The following GATAD2A variants were observed in gnomAD, a reference collection of about 807,000 sequenced individuals.
GATAD2A encodes transcriptional repressor p66-alpha.
GATAD2A carries 12 observed loss-of-function variants against 68.5 expected under a neutral mutation model. The observed-to-expected ratio is 0.18, with a 90% CI of 0.11 to 0.28. GATAD2A has a LOEUF of 0.28. Ranked by LOEUF, GATAD2A falls within the 10% of genes least tolerant of loss-of-function variation. The pLI is 1.00. For missense variants in GATAD2A, 755 were observed against 868.5 expected, an observed-to-expected ratio of 0.87 and a Z score of 1.64; for synonymous variants, 410 against 375.3, an observed-to-expected ratio of 1.09 and a Z score of -1.07.
chr19:19,453,121 A>C (rs149243705), intron 1 of GATAD2A, among the ~76,000 whole-genome samples: 1 of 151,438 alleles, frequency 6.6e-6, no homozygotes, highest in African/African-American at 2.4e-5. Context: ...TGTGACTGAA[A>C]CCTCCCCTCC....
At chr19:19,421,383 A>G (rs993028011) in intron 1 of GATAD2A, among the ~76,000 whole-genome samples, 1 of 152,102 alleles carries the variant, frequency 6.6e-6, no homozygotes. Context: ...TCTGGCCTGT[A>G]CTGTCCCTTC....
At chr19:19,448,503 T>C (rs1194937855) in intron 1 of GATAD2A, among the ~76,000 whole-genome samples, 1 of 152,222 alleles carries the variant, frequency 6.6e-6, no homozygotes, top group African/African-American at 2.4e-5. Context: ...TGTGTTGTGT[T>C]TTTGAGACGG....
In GATAD2A at chr19:19,492,308, A is replaced by G. The variant is rs761214980; in HGVS notation, c.272A>G (p.Asp91Gly). The G allele has an allele frequency of 6.2e-7, 1 of 1,601,366 alleles. No homozygotes were observed. The change falls in exon 3 of 12, where the codon GAC (aspartate) becomes GGC (glycine). Residue 91 changes from aspartate to glycine, a missense_variant and splice_region_variant. Physicochemically the swap from Asp to Gly is moderately conservative, Grantham distance 94. Transcript: ENST00000683918. Reference sequence around the variant, plus strand: ...TCACTACTGTCTCCACCCCACAGTGACATGAAGTCCGAGAGGAGACCCCCC... The same window carrying G: ...TCACTACTGTCTCCACCCCACAGTGGCATGAAGTCCGAGAGGAGACCCCCC... ...GPVDMRTSHS[D>G]MKSERRPPSP...
At chr19:19,417,352 T>A (rs2051774960) in intron 1 of GATAD2A, among the ~76,000 whole-genome samples, 1 of 152,188 alleles carries the variant, frequency 6.6e-6, no homozygotes, top group Non-Finnish European at 1.5e-5. Context: ...CACTTAGAAT[T>A]CTTACTACAT....
chr19:19,439,724 G>A (rs1430545808), intron 1 of GATAD2A, among the ~76,000 whole-genome samples: 1 of 152,104 alleles, frequency 6.6e-6, no homozygotes, highest in Non-Finnish European at 1.5e-5. Flanking sequence ...ATGCACGCTT[G>A]TAATCACAGT....
chr19:19,484,656 C>T (rs2059312158), intron 2 of GATAD2A, among the ~76,000 whole-genome samples: 1 of 151,296 alleles, frequency 6.6e-6, no homozygotes, highest in Admixed American at 6.6e-5. Flanking sequence ...GCCTCAGCCT[C>T]CCGAGTAGCT....
At chr19:19,501,478 C>G in intron 9 of GATAD2A, 62 bp downstream of exon 9, 3 of 1,287,424 alleles carry the variant, frequency 2.3e-6, no homozygotes, top group Non-Finnish European at 3.2e-6. Flanking sequence ...CCGCGATCCA[C>G]CCCACGCCTG....
intron 1 of GATAD2A, among the ~76,000 whole-genome samples, chr19:19,454,584 T>C (rs1171704047): frequency 6.7e-6 from 1 of 149,438 alleles, no homozygotes; most frequent in African/African-American, 2.5e-5. Context: ...GGTGACAGAG[T>C]GAGACCCTGT....
intron 1 of GATAD2A, among the ~76,000 whole-genome samples, chr19:19,419,759 G>A (rs1415225324): frequency 9.9e-5 from 15 of 151,898 alleles, no homozygotes; most frequent in Admixed American, 6.6e-4. Context: ...CAGGTGATCC[G>A]CCTGCCTTGG....
chr19:19,492,941 CT>C (rs11304753), intron 4 of GATAD2A, among the ~76,000 whole-genome samples: 25,861 of 133,776 alleles, frequency 0.19, 2,266 homozygotes, highest in African/African-American at 0.34. Flanking sequence ...CTAAAGCTCA[CT>C]TTTTTTTTTT....
intron 1 of GATAD2A, among the ~76,000 whole-genome samples, chr19:19,415,693 C>A (rs772045195): frequency 2.2e-4 from 33 of 149,710 alleles, no homozygotes; most frequent in Non-Finnish European, 4.6e-4. Context: ...TCTTGGCTCA[C>A]TGCAACTTCT....
intron 1 of GATAD2A, among the ~76,000 whole-genome samples, chr19:19,437,750 G>C (rs1326265366): frequency 2.6e-5 from 4 of 152,178 alleles, no homozygotes; most frequent in Non-Finnish European, 5.9e-5. Context: ...ATGAATCAGT[G>C]CTTCTTTCCT....
intron 2 of GATAD2A, among the ~76,000 whole-genome samples, chr19:19,470,380 C>T (rs1308134718): frequency 5.9e-5 from 9 of 152,062 alleles, no homozygotes; most frequent in Admixed American, 3.9e-4. Flanking sequence ...GTGATCCGCC[C>T]GCCTCACCCT....
chr19:19,495,741 G>C lies in GATAD2A; in HGVS notation c.625-13G>C, dbSNP rs140091615. On this transcript the variant is annotated splice_polypyrimidine_tract_variant and intron_variant, in intron 5 of 11. Coordinates refer to ENST00000683918, the MANE Select transcript of GATAD2A (RefSeq NM_001384528.1). ...CCGGTCCATGTAAATCTGGGTCTTGGTATCGTTGGCAGACCTCTTCAGCTC... is the reference window on the plus strand; with the variant it reads ...CCGGTCCATGTAAATCTGGGTCTTGCTATCGTTGGCAGACCTCTTCAGCTC... The C allele has an allele frequency of 2.5e-5, 40 of 1,595,798 alleles. No individual in the cohort carries two copies. In the African/African-American group the frequency reaches 3.9e-4, roughly 16 times the overall value.
At chr19:19,466,230 T>C (rs1388732277) in intron 2 of GATAD2A, among the ~76,000 whole-genome samples, 1 of 152,226 alleles carries the variant, frequency 6.6e-6, no homozygotes, top group Non-Finnish European at 1.5e-5. Flanking sequence ...GAAATAAAAA[T>C]AAGACCCAAT....
chr19:19,492,050 C>A (rs867613670), intron 2 of GATAD2A, among the ~76,000 whole-genome samples: 1 of 152,218 alleles, frequency 6.6e-6, no homozygotes, highest in Middle Eastern at 3.2e-3. Flanking sequence ...CACCCTCAGC[C>A]CTGGCGACAT....
chr19:19,462,507 G>A (rs761063995), intron 1 of GATAD2A, among the ~76,000 whole-genome samples: 25 of 152,254 alleles, frequency 1.6e-4, no homozygotes, highest in Non-Finnish European at 2.1e-4. Context: ...GCAGGCGGGC[G>A]CTGTGAGGCC....
rs571731404 is a variant in GATAD2A at position 19,395,905 on chromosome 19, C to G, written c.-7+9767C>G. Among the ~76,000 whole-genome samples the G allele has an allele frequency of 6.6e-5, 10 of 152,326 alleles. No homozygotes were observed. The South Asian group carries it at 2.1e-3, about 32-fold the overall frequency. Reference sequence around the variant, plus strand: ...ATAGCCTAACTTCAAGTGGCCTACTCTTTCTGAGCCTCAGTTTCCTCAAAA... The same window carrying G: ...ATAGCCTAACTTCAAGTGGCCTACTGTTTCTGAGCCTCAGTTTCCTCAAAA... On this transcript the variant is annotated intron_variant, in intron 1 of 11. Transcript: ENST00000360315.
chr19:19,458,631 T>C (rs1318400314), intron 1 of GATAD2A: 1 of 152,010 alleles, frequency 6.6e-6, no homozygotes, highest in Admixed American at 6.6e-5. Flanking sequence ...TGTGGCCTGG[T>C]GGTTGTGGCC....
Sources: gnomAD v4.1 joint callset for allele counts (sites outside exome capture counted in the v4.1 genomes callset) on GRCh38, gnomAD v4.1.1 for gene constraint, MANE v1.5 for transcripts, NCBI Gene and HGNC (gene_info 2026-07-23, HGNC 2026-07-21) for gene names.